SRSF10: variants seen among roughly 807,000 people sequenced by gnomAD.
SRSF10 encodes the protein serine and arginine rich splicing factor 10.
Under a neutral mutation model 32.6 loss-of-function variants are expected in SRSF10, and 9 were observed. That is an observed-to-expected ratio of 0.28 (90% CI 0.17 to 0.48). The LOEUF (loss-of-function observed/expected upper bound fraction) is 0.48. Among genes scored for constraint, SRSF10 ranks in the 20% least tolerant of loss-of-function variants. The pLI, the probability that SRSF10 is intolerant of heterozygous loss-of-function variation, is 0.99. For synonymous variants in SRSF10, 105 were observed against 112.4 expected, an observed-to-expected ratio of 0.93 and a Z score of 0.42; for missense variants, 201 against 331.8, an observed-to-expected ratio of 0.61 and a Z score of 3.06.
At position 23,971,609 on chromosome 1, in the gene SRSF10, C is replaced by G; in HGVS notation, c.455G>C (p.Arg152Thr). ...GGAATGGCTTCTGCTACGCCGTGGT[C>G]TTCCAGTCGGTCTACTGCTAAAAAG... ...YSPRNSRPTG[R>T]PRRSRSHSDN... The change falls in exon 5 of 6, where the codon AGA becomes ACA. Residue 152 changes from arginine (R) to threonine (T), a missense_variant. Physicochemically the swap from Arg to Thr is moderately conservative, Grantham distance 71 (BLOSUM62 -1). This residue lies in a region of SRSF10 where 159 missense variants were observed against 196.7 expected (regional missense o/e 0.81). Transcript: ENST00000492112. 1 of 1,611,030 alleles carries G rather than the reference C, an allele frequency of 6.2e-7. No homozygotes were observed. The highest frequency in any genetic ancestry group is 2.2e-5 in the East Asian group (1 of 44,868).
chr1:23,971,793 T>C (rs1404356104), intron 4 of SRSF10, 57 bp downstream of exon 4: 2 of 1,547,780 alleles, frequency 1.3e-6, no homozygotes, highest in East Asian at 4.5e-5. Context: ...TAAAAAAAAA[T>C]TAAATGCTAA....
In SRSF10 at chr1:23,965,202, A is replaced by G. The variant is rs1641394132; in HGVS notation, c.*5940T>C. 1 of 152,036 alleles carries G rather than the reference A, an allele frequency of 6.6e-6. No individual in the cohort carries two copies. The highest frequency in any genetic ancestry group is 1.5e-5 in the Non-Finnish European group (1 of 67,858). 9.4% of individuals were successfully genotyped at this position (152,036 alleles called of 1,614,324 possible). On this transcript the variant is annotated 3_prime_UTR_variant, in exon 6 of 6. Coordinates refer to ENST00000492112, the MANE Select transcript of SRSF10 (RefSeq NM_054016.4). Reference sequence around the variant, plus strand: ...AGTTCATGCCTAGGATAGGCTAACTATAGGCTTTGCTAGTCCTCCTTCCTA... The same window carrying G: ...AGTTCATGCCTAGGATAGGCTAACTGTAGGCTTTGCTAGTCCTCCTTCCTA...
chr1:23,973,513 G>A (rs1279466885), intron 3 of SRSF10, among the ~76,000 whole-genome samples: 1 of 152,008 alleles, frequency 6.6e-6, no homozygotes, highest in African/African-American at 2.4e-5. Context: ...TGGAGATGGG[G>A]TCTCACTTTG....
intron 2 of SRSF10, chr1:23,975,915 TG>T (rs1430698084): frequency 6.6e-6 from 1 of 152,182 alleles, no homozygotes; most frequent in Non-Finnish European, 1.5e-5. Flanking sequence ...CAGGAACTAC[TG>T]GTACTTGTTT....
chr1:23,975,120 T>C, intron 2 of SRSF10, 43 bp from the exon 3 acceptor site: 1 of 1,495,858 alleles, frequency 6.7e-7, no homozygotes, highest in Middle Eastern at 1.7e-4. Flanking sequence ...CAAACTTTGA[T>C]AATGAATGAA....
At position 23,965,012 on chromosome 1, in the gene SRSF10, T is replaced by C. The variant is rs1641385673; in HGVS notation, c.*6130A>G. On this transcript the variant is annotated 3_prime_UTR_variant, in exon 6 of 6. Coordinates refer to ENST00000492112, the MANE Select transcript of SRSF10 (RefSeq NM_054016.4). ...CTGTTACAAATACACAGAAACATAATAAAGATAACCAACACTGTTAAGAGG... is the reference window on the plus strand; with the variant it reads ...CTGTTACAAATACACAGAAACATAACAAAGATAACCAACACTGTTAAGAGG... 6.6e-6 allele frequency: 1 copy of C among 151,676 alleles called. No individual in the cohort carries two copies. The highest frequency in any genetic ancestry group is 2.4e-5 in the African/African-American group (1 of 41,330). 9.4% of individuals were successfully genotyped at this position (151,676 alleles called of 1,614,324 possible).
chr1:23,974,441 C>A lies in SRSF10; in HGVS notation c.274+533G>T, dbSNP rs1189858174. ...AGAGTCCACATATATTTCAGGCATTCTCATCTCCACCTCCTACTTACACTT... is the reference window on the plus strand; with the variant it reads ...AGAGTCCACATATATTTCAGGCATTATCATCTCCACCTCCTACTTACACTT... On this transcript the variant is annotated intron_variant, in intron 3 of 5. Transcript: ENST00000492112. Among the ~76,000 whole-genome samples, 10 of 152,192 alleles carry A rather than the reference C, an allele frequency of 6.6e-5. 1 individual carries two copies. Among genetic ancestry groups the A allele is most frequent in the Admixed American group, 6.5e-4 (10 of 15,286 alleles).
Position 23,970,865 on chromosome 1 carries a change from CT to C in SRSF10, c.*276del. The C allele has an allele frequency of 8.6e-7, 1 of 1,166,202 alleles. No individual in the cohort carries two copies. Among genetic ancestry groups the C allele is most frequent in the Non-Finnish European group, 1.1e-6 (1 of 946,700 alleles). The allele number at this position is 1,166,202 out of a possible 1,614,324, so 72.2% of individuals were successfully genotyped here. A position where few individuals can be genotyped will look rare whatever the true frequency, so the allele number is the denominator to read the frequency against. On this transcript the variant is annotated 3_prime_UTR_variant, in exon 6 of 6. Coordinates refer to ENST00000492112, the MANE Select transcript of SRSF10 (RefSeq NM_054016.4). Reference sequence around the variant, plus strand: ...GTTGCAAATTATGGTCAACCAACATCTTTTCACCAAATACTTCAAGCATAAA... The same window carrying C: ...GTTGCAAATTATGGTCAACCAACATCTTTCACCAAATACTTCAAGCATAAA...
rs1641429394 is a variant in SRSF10 at position 23,965,949 on chromosome 1, C to A, written c.*5193G>T. On this transcript the variant is annotated 3_prime_UTR_variant, in exon 6 of 6. Coordinates refer to ENST00000492112, the MANE Select transcript of SRSF10 (RefSeq NM_054016.4). ...ACATAGAACCTCTGTCCATAAGAAC[C>A]CCTATGTTAATGAGTGTATAACGGT... The A allele has an allele frequency of 6.6e-6, 1 of 151,744 alleles. No individual in the cohort carries two copies. The highest frequency in any genetic ancestry group is 1.5e-5 in the Non-Finnish European group (1 of 67,788). 9.4% of individuals were successfully genotyped at this position (151,744 alleles called of 1,614,324 possible). A position where few individuals can be genotyped will look rare whatever the true frequency, so the allele number is the denominator to read the frequency against.
At chr1:23,974,168 T>C (rs2148505403) in intron 3 of SRSF10, among the ~76,000 whole-genome samples, 1 of 152,186 alleles carries the variant, frequency 6.6e-6, no homozygotes, top group East Asian at 1.9e-4. Flanking sequence ...ATTTTTTCTA[T>C]TTTTAGTATA....
rs1295494495 is a variant in SRSF10, at chr1:23,970,281, CATCATT to C, written c.*855_*860del. On this transcript the variant is annotated 3_prime_UTR_variant, in exon 6 of 6. Transcript: ENST00000492112. ...GTCAAAAACTCAATTTCCCAGCTGG[CATCATT>C]CCCCAAGACAGTGGGGTTAACAAAA... The C allele has an allele frequency of 2.5e-5, 25 of 984,750 alleles. No homozygotes were observed. The highest frequency in any genetic ancestry group is 6.2e-5 in the Admixed American group (1 of 16,220). 61.0% of individuals were successfully genotyped at this position (984,750 alleles called of 1,614,324 possible).
chr1:23,969,381 G>A lies in SRSF10; in HGVS notation c.*1761C>T. The stretch of plus-strand genomic sequence containing the variant: ...AAATTAAAGAAACGTGCATATAAAC[G>A]ATTGCATAGCAGAACATGAACATTA... On this transcript the variant is annotated 3_prime_UTR_variant, in exon 6 of 6. Transcript: ENST00000492112. 1 of 985,590 alleles carries A rather than the reference G, an allele frequency of 1.0e-6. No individual in the cohort carries two copies. Among genetic ancestry groups the A allele is most frequent in the East Asian group, 1.1e-4 (1 of 8,812 alleles). The allele number at this position is 985,590 out of a possible 1,614,324, so 61.1% of individuals were successfully genotyped here. A position where few individuals can be genotyped will look rare whatever the true frequency, so the allele number is the denominator to read the frequency against.
rs1641595694 is a variant in SRSF10, at chr1:23,969,010, C to G, written c.*2132G>C. The G allele has an allele frequency of 1.5e-6, 1 of 678,172 alleles. No individual in the cohort carries two copies. The highest frequency in any genetic ancestry group is 6.3e-5 in the Admixed American group (1 of 15,868). The allele number at this position is 678,172 out of a possible 1,614,324, so 42.0% of individuals were successfully genotyped here. ...ACAATGATTTAAAATATTCCTAAAT[C>G]TATAAAGGACTGTTTCCATTGTTAT... On this transcript the variant is annotated 3_prime_UTR_variant, in exon 6 of 6. Coordinates refer to ENST00000492112, the MANE Select transcript of SRSF10 (RefSeq NM_054016.4).
Position 23,969,515 on chromosome 1 carries a change from T to C in SRSF10, c.*1627A>G. ...AAACAGTATTTAAAATCCATCGTTGTATTCTTTACAGGCAAAGCCTAGATT... is the reference window on the plus strand; with the variant it reads ...AAACAGTATTTAAAATCCATCGTTGCATTCTTTACAGGCAAAGCCTAGATT... On this transcript the variant is annotated 3_prime_UTR_variant, in exon 6 of 6. Transcript: ENST00000492112. The C allele has an allele frequency of 1.0e-6, 1 of 985,440 alleles. No individual in the cohort carries two copies. Among genetic ancestry groups the C allele is most frequent in the Non-Finnish European group, 1.2e-6 (1 of 829,902 alleles). The allele number at this position is 985,440 out of a possible 1,614,324, so 61.0% of individuals were successfully genotyped here. A position where few individuals can be genotyped will look rare whatever the true frequency, so the allele number is the denominator to read the frequency against.
Position 23,969,313 on chromosome 1 carries a change from A to G in SRSF10, c.*1829T>C, listed in dbSNP as rs1184333267. 1 of 985,186 alleles carries G rather than the reference A, an allele frequency of 1.0e-6. No individual in the cohort carries two copies. The highest frequency in any genetic ancestry group is 1.7e-5 in the African/African-American group (1 of 57,228). 61.0% of individuals were successfully genotyped at this position (985,186 alleles called of 1,614,324 possible). A position where few individuals can be genotyped will look rare whatever the true frequency, so the allele number is the denominator to read the frequency against. ...GTAAACTACTGCTACAGTTTTAAAT[A>G]GACTTTTTGTTGTTTAAACTATACA... On this transcript the variant is annotated 3_prime_UTR_variant, in exon 6 of 6. Transcript: ENST00000492112.
chr1:23,968,971 T>C lies in SRSF10; in HGVS notation c.*2171A>G. ...CTATCATTTCCAAAGTAAAAGTTAG[T>C]TGTGCCTAGTGCAACAATGATTTAA... On this transcript the variant is annotated 3_prime_UTR_variant, in exon 6 of 6. Coordinates refer to ENST00000492112, the MANE Select transcript of SRSF10 (RefSeq NM_054016.4). The C allele has an allele frequency of 2.6e-6, 1 of 383,604 alleles. No homozygotes were observed. Among genetic ancestry groups the C allele is most frequent in the Middle Eastern group, 1.3e-3 (1 of 796 alleles). 23.8% of individuals were successfully genotyped at this position (383,604 alleles called of 1,614,324 possible). A position where few individuals can be genotyped will look rare whatever the true frequency, so the allele number is the denominator to read the frequency against.
Position 23,966,796 on chromosome 1 carries a change from T to A in SRSF10, c.*4346A>T, listed in dbSNP as rs1462096325. 1 of 152,070 alleles carries A rather than the reference T, an allele frequency of 6.6e-6. No individual in the cohort carries two copies. The highest frequency in any genetic ancestry group is 1.5e-5 in the Non-Finnish European group (1 of 67,940). 9.4% of individuals were successfully genotyped at this position (152,070 alleles called of 1,614,324 possible). On this transcript the variant is annotated 3_prime_UTR_variant, in exon 6 of 6. Coordinates refer to ENST00000492112, the MANE Select transcript of SRSF10 (RefSeq NM_054016.4). ...TTTTTCATTATTTATAATAATGTGA[T>A]CAAATACTGGATACTTTTAAATGGC... is the stretch of plus-strand genomic sequence containing the variant.
At position 23,965,563 on chromosome 1, in the gene SRSF10, G is replaced by GA. The variant is rs1641411331; in HGVS notation, c.*5578dup. 1 of 151,920 alleles carries GA rather than the reference G, an allele frequency of 6.6e-6. No homozygotes were observed. The highest frequency in any genetic ancestry group is 1.5e-5 in the Non-Finnish European group (1 of 67,858). The allele number at this position is 151,920 out of a possible 1,614,324, so 9.4% of individuals were successfully genotyped here. A position where few individuals can be genotyped will look rare whatever the true frequency, so the allele number is the denominator to read the frequency against. ...AATGGGAATAATACCCATTTCCCAGGAGTGTTTTTAGGATTAAATAGAAAT... is the reference window on the plus strand; with the variant it reads ...AATGGGAATAATACCCATTTCCCAGGAAGTGTTTTTAGGATTAAATAGAAAT... On this transcript the variant is annotated 3_prime_UTR_variant, in exon 6 of 6. Transcript: ENST00000492112.
In SRSF10 at chr1:23,973,145, T is replaced by C. The variant is rs1641876886; in HGVS notation, c.275-1133A>G. 1.1e-4 allele frequency among the ~76,000 whole-genome samples: 17 copies of C among 152,320 alleles called. No individual in the cohort carries two copies. The South Asian group carries it at 2.9e-3, about 26-fold the overall frequency. ...GTTGAGGTAACTGCAAATTTTCATC[T>C]TGAAAAAGGCACGTATTTATTTTCA... On this transcript the variant is annotated intron_variant, in intron 3 of 5. Coordinates refer to ENST00000492112, the MANE Select transcript of SRSF10 (RefSeq NM_054016.4).
Sources: allele counts gnomAD v4.1 joint callset (sites outside exome capture counted in the v4.1 genomes callset), GRCh38; gene constraint gnomAD v4.1.1; regional missense constraint gnomAD v4.1.1; transcripts MANE v1.5; gene names NCBI Gene and HGNC (gene_info 2026-07-23, HGNC 2026-07-21).